Variants in PTTG1IP2 observed in about 807,000 individuals in gnomAD.
PTTG1IP2 encodes the protein PTTG1IP family member 2.
chr7:90,491,560 T>C (rs1474252669), intron 4 of PTTG1IP2, among the ~76,000 whole-genome samples: 1 of 151,538 alleles, frequency 6.6e-6, no homozygotes, highest in Admixed American at 6.6e-5. Context: ...GAGGCAGAGG[T>C]TGCAGTGAGC....
chr7:90,508,908 C>T (rs891951085), intron 6 of PTTG1IP2, among the ~76,000 whole-genome samples: 2 of 152,266 alleles, frequency 1.3e-5, no homozygotes, highest in African/African-American at 2.4e-5. Context: ...TCAGCCTAGA[C>T]ATGTGTGCGC....
intron 1 of PTTG1IP2, among the ~76,000 whole-genome samples, chr7:90,476,915 T>G (rs557558339): frequency 6.6e-6 from 1 of 152,274 alleles, no homozygotes; most frequent in East Asian, 1.9e-4. Flanking sequence ...ATATTATTAA[T>G]TTATTGCAAT....
chr7:90,472,674 G>A (rs576652442), intron 1 of PTTG1IP2, among the ~76,000 whole-genome samples: 90 of 152,216 alleles, frequency 5.9e-4, no homozygotes, highest in Non-Finnish European at 1.0e-3. Context: ...CTGTTATCTG[G>A]GAGGAGGTTG....
intron 6 of PTTG1IP2, among the ~76,000 whole-genome samples, chr7:90,497,713 T>TA (rs1491565834): frequency 0.077 from 3,816 of 49,516 alleles, 1,135 homozygotes; most frequent in Middle Eastern, 0.21. Flanking sequence ...AAAGACCCTG[T>TA]ATAAAAAAAA....
chr7:90,475,713 C>G (rs903672687), intron 1 of PTTG1IP2, among the ~76,000 whole-genome samples: 6 of 152,140 alleles, frequency 3.9e-5, no homozygotes, highest in African/African-American at 1.4e-4. Flanking sequence ...GTAATCCCAG[C>G]ACTTTGGGAG....
intron 1 of PTTG1IP2, among the ~76,000 whole-genome samples, chr7:90,474,652 G>A (rs1797726966): frequency 6.6e-6 from 1 of 152,176 alleles, no homozygotes; most frequent in African/African-American, 2.4e-5. Flanking sequence ...GGTTAACAGT[G>A]AGTGTGAATT....
At chr7:90,512,192 T>C (rs868550223) in intron 6 of PTTG1IP2, among the ~76,000 whole-genome samples, 2 of 152,184 alleles carry the variant, frequency 1.3e-5, no homozygotes, top group Non-Finnish European at 2.9e-5. Context: ...GTGCCAGGCA[T>C]TGGGAATATA....
intron 1 of PTTG1IP2, among the ~76,000 whole-genome samples, chr7:90,477,183 T>C (rs780850528): frequency 2.0e-5 from 3 of 152,142 alleles, no homozygotes; most frequent in Non-Finnish European, 2.9e-5. Flanking sequence ...AGTAACCAGA[T>C]AGAAAACATA....
At chr7:90,490,998 G>T (rs1218718388) in intron 4 of PTTG1IP2, among the ~76,000 whole-genome samples, 1 of 152,020 alleles carries the variant, frequency 6.6e-6, no homozygotes, top group African/African-American at 2.4e-5. Flanking sequence ...TTCTGTAGGG[G>T]TATTTATCTT....
At chr7:90,475,949 A>T (rs1562983418) in intron 1 of PTTG1IP2, among the ~76,000 whole-genome samples, 1 of 152,030 alleles carries the variant, frequency 6.6e-6, no homozygotes, top group Non-Finnish European at 1.5e-5. Flanking sequence ...CAAAAAAAAA[A>T]AAAAGAAAAA....
chr7:90,512,548 T>G (rs1470114543), intron 6 of PTTG1IP2, among the ~76,000 whole-genome samples: 1 of 152,100 alleles, frequency 6.6e-6, no homozygotes, highest in Non-Finnish European at 1.5e-5. Flanking sequence ...TATTCGGGGA[T>G]AAGATTATGT....
intron 1 of PTTG1IP2, among the ~76,000 whole-genome samples, chr7:90,470,981 GAAA>G: frequency 7.4e-6 from 1 of 134,880 alleles, no homozygotes; most frequent in East Asian, 2.2e-4. Context: ...AAAAAAAAAA[GAAA>G]AAAGAAAGAA....
intron 6 of PTTG1IP2, among the ~76,000 whole-genome samples, chr7:90,507,976 G>C (rs1031122659): frequency 2.0e-5 from 3 of 152,044 alleles, no homozygotes; most frequent in Non-Finnish European, 2.9e-5. Context: ...TAAAATATCA[G>C]ACTGGGCACA....
intron 1 of PTTG1IP2, among the ~76,000 whole-genome samples, chr7:90,477,504 T>C (rs1375476101): frequency 6.6e-6 from 1 of 152,154 alleles, no homozygotes; most frequent in African/African-American, 2.4e-5. Context: ...TTCCATCTAA[T>C]CAGGAGAAAA....
chr7:90,484,958 A>C (rs1032720541), intron 2 of PTTG1IP2, among the ~76,000 whole-genome samples: 1 of 152,184 alleles, frequency 6.6e-6, no homozygotes, highest in African/African-American at 2.4e-5. Flanking sequence ...TGTAACTTAA[A>C]TAGTTGTAAC....
intron 5 of PTTG1IP2, among the ~76,000 whole-genome samples, chr7:90,493,045 T>C (rs11563864): frequency 0.049 from 7,417 of 152,208 alleles, 442 homozygotes; most frequent in East Asian, 0.16. Flanking sequence ...ATCTCCCTGT[T>C]CACTTAATTG....
At chr7:90,502,524 G>A (rs1049183970) in intron 6 of PTTG1IP2, among the ~76,000 whole-genome samples, 2 of 152,180 alleles carry the variant, frequency 1.3e-5, no homozygotes, top group African/African-American at 2.4e-5. Context: ...ATAGCCTTAG[G>A]AAATGTATTT....
chr7:90,488,004 T>G (rs1797895277), intron 3 of PTTG1IP2, among the ~76,000 whole-genome samples: 1 of 152,160 alleles, frequency 6.6e-6, no homozygotes, highest in East Asian at 1.9e-4. Flanking sequence ...CAAATATTAA[T>G]CATCAAAGAA....
intron 6 of PTTG1IP2, among the ~76,000 whole-genome samples, chr7:90,502,695 G>A (rs1352963498): frequency 6.6e-6 from 1 of 152,152 alleles, no homozygotes; most frequent in South Asian, 2.1e-4. Context: ...ATTTTGAAAG[G>A]AATCTTTTTT....
Sources: gnomAD v4.1 joint callset for allele counts (sites outside exome capture counted in the v4.1 genomes callset) on GRCh38, gnomAD v4.1.1 for gene constraint, MANE v1.5 for transcripts, NCBI Gene and HGNC (gene_info 2026-07-23, HGNC 2026-07-21) for gene names.